The following KLHL2 variants were observed in gnomAD, a reference collection of about 807,000 sequenced individuals.
KLHL2 encodes kelch-like protein 2.
KLHL2 carries 15 observed loss-of-function variants against 75.8 expected under a neutral mutation model. The ratio of observed to expected loss-of-function variants is 0.20; its 90% confidence interval spans 0.13 to 0.30. KLHL2 has a LOEUF of 0.30. KLHL2 is among the 10% of genes least tolerant of loss of function. The probability of loss-of-function intolerance (pLI) is 1.00; values close to 1 mark genes in which losing one functional copy is unlikely to be tolerated. For synonymous variants in KLHL2, 214 were observed against 251.9 expected, an observed-to-expected ratio of 0.85 and a Z score of 1.42; for missense variants, 381 against 741.0, an observed-to-expected ratio of 0.51 and a Z score of 5.64.
At position 165,303,882 on chromosome 4, in the gene KLHL2, T is replaced by C. The variant is rs186037529; in HGVS notation, c.922-1726T>C. ...CCTGGCCAACCAAAATGTTGTCTGT[T>C]TGTTTGTTTGTGAGACAGAGTCTCA... On this transcript the variant is annotated intron_variant, in intron 8 of 14. Coordinates refer to ENST00000226725, the MANE Select transcript of KLHL2 (RefSeq NM_007246.4). Among the ~76,000 whole-genome samples the C allele has an allele frequency of 1.2e-3, 173 of 141,322 alleles. 1 individual carries two copies. The highest frequency in any genetic ancestry group is 2.9e-3 in the Admixed American group (40 of 13,902). 92.7% of individuals were successfully genotyped at this position (141,322 alleles called of 152,430 possible).
At chr4:165,256,547 T>C (rs1440242650) in intron 4 of KLHL2, among the ~76,000 whole-genome samples, 1 of 152,180 alleles carries the variant, frequency 6.6e-6, no homozygotes, top group Non-Finnish European at 1.5e-5. Flanking sequence ...AGGCAATCTC[T>C]AGTGAGTGGT....
chr4:165,223,134 G>A (rs1413652510), intron 2 of KLHL2, among the ~76,000 whole-genome samples: 3 of 152,220 alleles, frequency 2.0e-5, no homozygotes, highest in Non-Finnish European at 4.4e-5. Flanking sequence ...CCTGGTAAGA[G>A]CTTGAATATC....
chr4:165,215,072 T>C (rs1467270187), intron 1 of KLHL2, among the ~76,000 whole-genome samples: 1 of 152,222 alleles, frequency 6.6e-6, no homozygotes, highest in East Asian at 1.9e-4. Flanking sequence ...TATGAACATA[T>C]GTTTGTAGAT....
In KLHL2 at chr4:165,266,811, T is replaced by C. The variant is rs568241067; in HGVS notation, c.544+3452T>C. Among the ~76,000 whole-genome samples, 572 of 152,292 alleles carry C rather than the reference T, an allele frequency of 3.8e-3. 5 individuals are homozygous for C. The highest frequency in any genetic ancestry group is 0.013 in the African/African-American group (553 of 41,566). ...TTGTCTTGGCTATGTGGGCTCTTTT[T>C]TGTTTCCATATGAAATTTAAAGTAG... On this transcript the variant is annotated intron_variant, in intron 5 of 14. Transcript: ENST00000226725.
chr4:165,311,059 A>C (rs369573052), intron 10 of KLHL2, among the ~76,000 whole-genome samples: 1 of 151,872 alleles, frequency 6.6e-6, no homozygotes, highest in South Asian at 2.1e-4. Context: ...GGGTTTCACC[A>C]TGTTAGCCAG....
intron 5 of KLHL2, among the ~76,000 whole-genome samples, chr4:165,269,396 C>A (rs1191669465): frequency 5.3e-5 from 8 of 152,138 alleles, no homozygotes; most frequent in African/African-American, 1.9e-4. Flanking sequence ...GATGCAGTTT[C>A]TTCATAGCAT....
In KLHL2 at chr4:165,322,587, G is replaced by A. The variant is rs1179317191; in HGVS notation, c.*527G>A. On this transcript the variant is annotated 3_prime_UTR_variant, in exon 15 of 15. Transcript: ENST00000226725. The stretch of plus-strand genomic sequence containing the variant: ...TAATAAATTATGTGCATATAAATGT[G>A]TGTCTATATGCTTTCCTTTAAATAT... 1 of 152,784 alleles carries A rather than the reference G, an allele frequency of 6.5e-6. No homozygotes were observed. Among genetic ancestry groups the A allele is most frequent in the Non-Finnish European group, 1.5e-5 (1 of 68,244 alleles). The allele number at this position is 152,784 out of a possible 1,614,324, so 9.5% of individuals were successfully genotyped here.
chr4:165,276,989 G>A (rs1743171360), intron 5 of KLHL2, among the ~76,000 whole-genome samples: 1 of 152,072 alleles, frequency 6.6e-6, no homozygotes, highest in African/African-American at 2.4e-5. Flanking sequence ...AAATATAGTT[G>A]AAGTCACAAT....
At chr4:165,307,796 C>G in intron 9 of KLHL2, among the ~76,000 whole-genome samples, 1 of 152,074 alleles carries the variant, frequency 6.6e-6, no homozygotes. Context: ...ATTTTAAAAA[C>G]ATTTGTTGTT....
chr4:165,246,759 A>G (rs1740296347), intron 4 of KLHL2, among the ~76,000 whole-genome samples: 1 of 152,102 alleles, frequency 6.6e-6, no homozygotes, highest in African/African-American at 2.4e-5. Context: ...TGGTTGTGTT[A>G]ACTTTTACCA....
chr4:165,296,679 T>C (rs528918385), intron 6 of KLHL2, among the ~76,000 whole-genome samples: 23 of 152,096 alleles, frequency 1.5e-4, no homozygotes, highest in Non-Finnish European at 3.4e-4. Context: ...GGTTCCGATA[T>C]GGGATGATAG....
intron 1 of KLHL2, among the ~76,000 whole-genome samples, chr4:165,217,088 TTTGC>T (rs1235503675): frequency 6.6e-6 from 1 of 152,330 alleles, no homozygotes; most frequent in East Asian, 1.9e-4. Context: ...CAGAGTTGCT[TTTGC>T]TTCCACTTTC....
At chr4:165,237,256 C>T (rs1235909438) in intron 3 of KLHL2, among the ~76,000 whole-genome samples, 1 of 151,846 alleles carries the variant, frequency 6.6e-6, no homozygotes, top group African/African-American at 2.4e-5. Flanking sequence ...ACTTATTTTT[C>T]TGTATTCCTT....
chr4:165,281,309 C>CT (rs370907639), intron 5 of KLHL2, among the ~76,000 whole-genome samples: 12,858 of 139,504 alleles, frequency 0.092, 1,266 homozygotes, highest in African/African-American at 0.26. Flanking sequence ...CTCTCTCTCT[C>CT]TTTTTTTTTT....
chr4:165,277,949 A>T (rs1743278992), intron 5 of KLHL2: 1 of 977,306 alleles, frequency 1.0e-6, no homozygotes, highest in Non-Finnish European at 1.7e-6. Context: ...TTATGTAAAA[A>T]GCTCGCATCT....
intron 5 of KLHL2, among the ~76,000 whole-genome samples, chr4:165,269,346 C>A (rs1052375016): frequency 2.0e-5 from 3 of 152,082 alleles, no homozygotes; most frequent in Non-Finnish European, 4.4e-5. Flanking sequence ...GAATTTGATC[C>A]TGTCATTATG....
chr4:165,311,818 T>TGTGTGC (rs1746217743), intron 11 of KLHL2, among the ~76,000 whole-genome samples: 1 of 121,220 alleles, frequency 8.2e-6, no homozygotes, highest in Non-Finnish European at 1.7e-5. Context: ...TCTGTGTGTG[T>TGTGTGC]GTGTGTGTGT....
chr4:165,291,707 T>G (rs1294687528), intron 5 of KLHL2, among the ~76,000 whole-genome samples: 1 of 152,216 alleles, frequency 6.6e-6, no homozygotes. Flanking sequence ...GGTATCCACA[T>G]CCATGGGGTA....
rs1163766086 is a variant in KLHL2 at position 165,264,736 on chromosome 4, A to G, written c.544+1377A>G. Among the ~76,000 whole-genome samples the G allele has an allele frequency of 9.7e-3, 801 of 82,470 alleles. 13 individuals carry two copies. Among genetic ancestry groups the G allele is most frequent in the African/African-American group, 0.029 (696 of 23,814 alleles). The allele number at this position is 82,470 out of a possible 152,430, so 54.1% of individuals were successfully genotyped here. On this transcript the variant is annotated intron_variant, in intron 5 of 14. Coordinates refer to ENST00000226725, the MANE Select transcript of KLHL2 (RefSeq NM_007246.4). ...TATATATATACATATATATATATAT[A>G]TATGTATATATATATATATATATAT...
Sources: allele counts gnomAD v4.1 joint callset (sites outside exome capture counted in the v4.1 genomes callset), GRCh38; gene constraint gnomAD v4.1.1; transcripts MANE v1.5; gene names NCBI Gene and HGNC (gene_info 2026-07-23, HGNC 2026-07-21).